ECT2: variants seen among roughly 807,000 people sequenced by gnomAD.
The protein encoded by ECT2 is epithelial cell transforming 2, also known as protein ECT2.
In ECT2, 61 loss-of-function variants were observed where a neutral mutation model predicts 116.9. That is an observed-to-expected ratio of 0.52 (90% CI 0.42 to 0.65). ECT2 has a LOEUF of 0.65. Ranked by LOEUF, ECT2 falls within the 30% of genes least tolerant of loss-of-function variation. The pLI, the probability that ECT2 is intolerant of heterozygous loss-of-function variation, is 0.00. For synonymous variants in ECT2, 358 were observed against 346.4 expected, an observed-to-expected ratio of 1.03 and a Z score of -0.37; for missense variants, 937 against 1,078.7, an observed-to-expected ratio of 0.87 and a Z score of 1.84.
In ECT2 at chr3:172,760,164, G is replaced by A; in HGVS notation, c.585G>A (p.Leu195=). 1 of 1,603,000 alleles carries A rather than the reference G, an allele frequency of 6.2e-7. No individual in the cohort carries two copies. The highest frequency in any genetic ancestry group is 8.5e-7 in the Non-Finnish European group (1 of 1,174,584). The part of the protein sequence containing the change: ...GFRKKEELVR[L]VTLVHHMGGV... ...TTAATTTTTCTTTTGAGGTCAGGTTGGTGACATTGGTCCATCACATGGGTG... is the reference window on the plus strand; with the variant it reads ...TTAATTTTTCTTTTGAGGTCAGGTTAGTGACATTGGTCCATCACATGGGTG... Residue 195 remains leucine (L), a synonymous_variant, in exon 7 of 25, where the codon TTG becomes TTA. Transcript: ENST00000392692.
chr3:172,777,459 C>T (rs1300637890), intron 14 of ECT2, among the ~76,000 whole-genome samples: 1 of 152,114 alleles, frequency 6.6e-6, no homozygotes, highest in Non-Finnish European at 1.5e-5. Context: ...CTTTAGAAGC[C>T]TCATCCTTAC....
chr3:172,787,298 C>G (rs554162498), intron 18 of ECT2, among the ~76,000 whole-genome samples: 82 of 152,258 alleles, frequency 5.4e-4, no homozygotes, highest in African/African-American at 1.9e-3. Flanking sequence ...TGAAAGACTT[C>G]CAGAAGGGCT....
intron 12 of ECT2, 76 bp downstream of exon 12, chr3:172,764,576 G>A (rs994327957): frequency 6.8e-6 from 9 of 1,328,348 alleles, no homozygotes; most frequent in Non-Finnish European, 9.6e-6. Flanking sequence ...ATAAATCCCT[G>A]ATATAGTGAA....
In ECT2 at chr3:172,803,057, A is replaced by G. The variant is rs1276593472; in HGVS notation, c.2106+77A>G. On this transcript the variant is annotated intron_variant, in intron 20 of 24. Transcript: ENST00000392692. ...CCTGAATATTTAAAACCAAGCTTTA[A>G]TTGAAGAGTAATGTAGAATTTTAAA... 3 of 1,313,706 alleles carry G rather than the reference A, an allele frequency of 2.3e-6. No individual in the cohort carries two copies. The African/African-American group carries it at 4.5e-5, about 20-fold the overall frequency. The allele number at this position is 1,313,706 out of a possible 1,614,324, so 81.4% of individuals were successfully genotyped here. A position where few individuals can be genotyped will look rare whatever the true frequency, so the allele number is the denominator to read the frequency against.
At chr3:172,816,990 C>T (rs755214751) in intron 24 of ECT2, among the ~76,000 whole-genome samples, 153 bp downstream of exon 24, 34 of 151,850 alleles carry the variant, frequency 2.2e-4, no homozygotes, top group Non-Finnish European at 4.6e-4. Flanking sequence ...CATTTGAATG[C>T]GAATCAATGT....
Position 172,761,677 on chromosome 3 carries a change from A to C in ECT2, c.752A>C (p.Asn251Thr). 6.2e-7 allele frequency: 1 copy of C among 1,607,024 alleles called. No homozygotes were observed. The highest frequency in any genetic ancestry group is 8.5e-7 in the Non-Finnish European group (1 of 1,174,336). ...ATTTATAAAGCTTGGGAAAGGCGGA[A>C]TGAACAGTAAGTGTTTAGAAACTCA... is the stretch of plus-strand genomic sequence containing the variant. ...EWIYKAWERR[N>T]EQDFYAAVDD... The change falls in exon 8 of 25, where the codon AAT becomes ACT. Residue 251 changes from asparagine (N) to threonine (T), a missense_variant. Physicochemically the swap from Asn to Thr is moderately conservative, Grantham distance 65 (BLOSUM62 0). Coordinates refer to ENST00000392692, the MANE Select transcript of ECT2 (RefSeq NM_001258315.2).
At chr3:172,758,897 A>G in intron 5 of ECT2, 83 bp from the exon 6 acceptor site, 1 of 1,188,878 alleles carries the variant, frequency 8.4e-7, no homozygotes, top group Non-Finnish European at 1.2e-6. Context: ...AAGAGGGGAA[A>G]TGAAATATAT....
downstream of ECT2, among the ~76,000 whole-genome samples, chr3:172,825,438 G>GC (rs1251769578): frequency 6.6e-6 from 1 of 152,130 alleles, no homozygotes; most frequent in Non-Finnish European, 1.5e-5. Flanking sequence ...TGAAAGCAAG[G>GC]CCCCTTGTGC....
intron 14 of ECT2, among the ~76,000 whole-genome samples, chr3:172,776,998 C>G (rs1432120803): frequency 1.3e-5 from 2 of 151,906 alleles, no homozygotes; most frequent in East Asian, 3.9e-4. Flanking sequence ...CCTTAGCCTC[C>G]CTAGTAGCTG....
At position 172,755,293 on chromosome 3, in the gene ECT2, A is replaced by G. The variant is rs772107598; in HGVS notation, c.131-2A>G. The G allele has an allele frequency of 6.3e-7, 1 of 1,593,724 alleles. No individual in the cohort carries two copies. Among genetic ancestry groups the G allele is most frequent in the Non-Finnish European group, 8.5e-7 (1 of 1,174,790 alleles). On this transcript the variant is annotated splice_acceptor_variant, in intron 2 of 24. Coordinates refer to ENST00000392692, the MANE Select transcript of ECT2 (RefSeq NM_001258315.2). LOFTEE classifies it high-confidence loss of function. Reference sequence around the variant, plus strand: ...ACATTGAAACATTTTACATTTTAACAGAAGAGATGCCTCAGATTGAAACAA... The same window carrying G: ...ACATTGAAACATTTTACATTTTAACGGAAGAGATGCCTCAGATTGAAACAA...
At chr3:172,791,197 G>A (rs1328468918) in intron 18 of ECT2, among the ~76,000 whole-genome samples, 1 of 152,180 alleles carries the variant, frequency 6.6e-6, no homozygotes, top group East Asian at 1.9e-4. Context: ...TGTCATCCAT[G>A]CTTTGTTGTT....
chr3:172,765,379 G>A (rs189051861), intron 12 of ECT2, among the ~76,000 whole-genome samples: 17 of 151,630 alleles, frequency 1.1e-4, no homozygotes, highest in African/African-American at 3.1e-4. Context: ...CTAAATTATC[G>A]TAGTAAAATC....
intron 13 of ECT2, 130 bp downstream of exon 13, chr3:172,769,273 T>C: frequency 4.3e-6 from 4 of 927,380 alleles, no homozygotes; most frequent in Non-Finnish European, 6.2e-6. Flanking sequence ...AAAATGGAAT[T>C]GTGTGACAAA....
At chr3:172,817,498 T>A (rs1295403060) in intron 24 of ECT2, among the ~76,000 whole-genome samples, 1 of 152,198 alleles carries the variant, frequency 6.6e-6, no homozygotes, top group South Asian at 2.1e-4. Flanking sequence ...TCCAATGACA[T>A]AGCAGAGACC....
In ECT2 at chr3:172,805,817, C is replaced by G. The variant is rs1247863443; in HGVS notation, c.2193C>G (p.His731Gln). The G allele has an allele frequency of 6.2e-7, 1 of 1,613,638 alleles. No homozygotes were observed. Among genetic ancestry groups the G allele is most frequent in the Non-Finnish European group, 8.5e-7 (1 of 1,179,812 alleles). The change falls in exon 21 of 25, where the codon CAC becomes CAG. Residue 731 changes from histidine to glutamine, a missense_variant. Coordinates refer to ENST00000392692, the MANE Select transcript of ECT2 (RefSeq NM_001258315.2). Reference protein sequence around the residue: ...TRPPASLKHIHLMPLSQIKKV... With the variant: ...TRPPASLKHIQLMPLSQIKKV... ...CCCCAGCTTCTCTTAAGCATATTCA[C>G]CTAATGCCTCTTTCTCAGATTAAGA... is the stretch of plus-strand genomic sequence containing the variant.
chr3:172,801,243 T>C (rs1191329099), intron 18 of ECT2, among the ~76,000 whole-genome samples: 1 of 152,224 alleles, frequency 6.6e-6, no homozygotes, highest in African/African-American at 2.4e-5. Flanking sequence ...AAAATGTTTT[T>C]GAGTTTTTCC....
chr3:172,763,121 T>G, intron 11 of ECT2, 149 bp downstream of exon 11: 3 of 766,056 alleles, frequency 3.9e-6, no homozygotes, highest in Non-Finnish European at 6.3e-6. Context: ...TATGTAGATT[T>G]AAGTGGAACT....
chr3:172,782,063 T>C (rs1722788309), intron 14 of ECT2, 100 bp from the exon 15 acceptor site: 1 of 572,530 alleles, frequency 1.7e-6, no homozygotes, highest in African/African-American at 1.9e-5. Context: ...TTAAGACACT[T>C]TGTAAAGTGC....
chr3:172,782,163 G>T lies in ECT2; in HGVS notation c.1549G>T (p.Asp517Tyr). The T allele has an allele frequency of 6.4e-7, 1 of 1,555,492 alleles. No individual in the cohort carries two copies. The highest frequency in any genetic ancestry group is 8.7e-7 in the Non-Finnish European group (1 of 1,145,390). ...DIFDVHTKIK[D>Y]DLEDLIVNWD... is the part of the protein sequence containing the mutation. ...AATATTTCAATTCGTGCTATTTCAG[G>T]ATGATCTTGAAGACCTTATAGTTAA... Residue 517 changes from aspartate to tyrosine, a missense_variant and splice_region_variant, in exon 15 of 25, where the codon GAT becomes TAT. Asp to Tyr is a radical substitution (Grantham distance 160). Transcript: ENST00000392692.
Sources: allele counts gnomAD v4.1 joint callset (sites outside exome capture counted in the v4.1 genomes callset), GRCh38; gene constraint gnomAD v4.1.1; transcripts MANE v1.5; gene names NCBI Gene and HGNC (gene_info 2026-07-23, HGNC 2026-07-21).